The following CADPS2 variants were observed in gnomAD, a reference collection of about 807,000 sequenced individuals.
CADPS2 encodes the protein calcium dependent secretion activator 2.
A neutral mutation model predicts 172.5 loss-of-function variants in CADPS2; 93 were observed. That is an observed-to-expected ratio of 0.54 (90% CI 0.46 to 0.64). The LOEUF is 0.64. Ranked by LOEUF, CADPS2 falls within the 30% of genes least tolerant of loss-of-function variation. The probability of loss-of-function intolerance (pLI) is 0.00; values close to 1 mark genes in which losing one functional copy is unlikely to be tolerated. For synonymous variants in CADPS2, 546 were observed against 555.2 expected (o/e 0.98, Z 0.23); for missense variants, 1,420 against 1,565.9 (o/e 0.91, Z 1.57).
At chr7:122,355,965 A>T (rs1056579967) in intron 27 of CADPS2, among the ~76,000 whole-genome samples, 2 of 152,332 alleles carry the variant, frequency 1.3e-5, no homozygotes, top group South Asian at 4.1e-4. Context: ...ATTTACAGAA[A>T]CACTGTGGAA....
chr7:122,780,690 T>C (rs1046140341), intron 1 of CADPS2, among the ~76,000 whole-genome samples: 1 of 152,116 alleles, frequency 6.6e-6, no homozygotes, highest in Admixed American at 6.5e-5. Flanking sequence ...TTTTATTTTT[T>C]GAGAGAGAGA....
rs775773246 is a variant in CADPS2 at position 122,702,618 on chromosome 7, T to C, written c.453+34337A>G. 8.1e-6 allele frequency: 13 copies of C among 1,613,306 alleles called. No homozygotes were observed. The highest frequency in any genetic ancestry group is 7.7e-5 in the South Asian group (7 of 91,074). ...GTGATCTCATTTCCAACCTGAAATG[T>C]TATATTCAGGTGAGCTGTCCAAATG... On this transcript the variant is annotated intron_variant, in intron 2 of 29. Coordinates refer to ENST00000449022, the MANE Select transcript of CADPS2 (RefSeq NM_017954.11).
At position 122,442,840 on chromosome 7, in the gene CADPS2, T is replaced by G. The variant is rs532683985; in HGVS notation, c.2289-1265A>C. ...ATTGTATTTACTGCTAAAAATGTCC[T>G]TTCTTAATCTTGCTGCTACATACTC... On this transcript the variant is annotated intron_variant, in intron 15 of 29. Transcript: ENST00000449022. Among the ~76,000 whole-genome samples the G allele has an allele frequency of 3.7e-4, 56 of 152,294 alleles. 1 individual carries two copies. The highest frequency in any genetic ancestry group is 3.4e-3 in the Middle Eastern group (1 of 294).
chr7:122,818,110 C>T (rs902028083), intron 1 of CADPS2, among the ~76,000 whole-genome samples: 2 of 151,602 alleles, frequency 1.3e-5, no homozygotes, highest in African/African-American at 4.9e-5. Context: ...AGGTAAGAAC[C>T]CCCGAACCCC....
rs752804919 is a variant in CADPS2, at chr7:122,513,323, G to GA, written c.1476-9dup. 2 of 1,549,294 alleles carry GA rather than the reference G, an allele frequency of 1.3e-6. No individual in the cohort carries two copies. The highest frequency in any genetic ancestry group is 2.4e-5 in the South Asian group (2 of 83,824). The stretch of plus-strand genomic sequence containing the variant: ...CCAAGGGCATACAGATATCTGGAAA[G>GA]AAAAACAAAAGCCAAAGAATACTTC... On this transcript the variant is annotated splice_polypyrimidine_tract_variant and intron_variant, in intron 8 of 29. Coordinates refer to ENST00000449022, the MANE Select transcript of CADPS2 (RefSeq NM_017954.11).
At position 122,325,554 on chromosome 7, in the gene CADPS2, T is replaced by A; in HGVS notation, c.3640A>T (p.Ile1214Phe). The change falls in exon 29 of 30, where the codon ATT becomes TTT. Residue 1214 changes from isoleucine (I) to phenylalanine (F), a missense_variant. Physicochemically the swap from Ile to Phe is conservative, Grantham distance 21 (BLOSUM62 0). Transcript: ENST00000449022. ...DQWYSSSMKV[I>F]CVWLTDRLDL... ...AATCTATCAGTCAACCACACGCAAA[T>A]GACTTTCATGGAACTGCTGTACCAT... The A allele has an allele frequency of 6.2e-7, 1 of 1,610,992 alleles. No homozygotes were observed. The highest frequency in any genetic ancestry group is 8.5e-7 in the Non-Finnish European group (1 of 1,178,336).
chr7:122,506,850 G>T (rs572469601), intron 9 of CADPS2, among the ~76,000 whole-genome samples: 175 of 152,186 alleles, frequency 1.1e-3, no homozygotes, highest in Non-Finnish European at 2.1e-3. Context: ...TGTCCAAATG[G>T]TGTAAAAAGA....
At chr7:122,482,849 A>G (rs75809961) in intron 11 of CADPS2, among the ~76,000 whole-genome samples, 4,668 of 152,274 alleles carry the variant, frequency 0.031, 209 homozygotes, top group African/African-American at 0.11. Context: ...CTCAAGATCT[A>G]CAGAAGGCCT....
At chr7:122,878,283 G>T (rs150323511) in intron 1 of CADPS2, among the ~76,000 whole-genome samples, 2,276 of 148,024 alleles carry the variant, frequency 0.015, 76 homozygotes, top group African/African-American at 0.055. Context: ...AAAAAAGTGG[G>T]AAGGGAAAGA....
At chr7:122,693,169 C>G (rs562190358) in intron 2 of CADPS2, among the ~76,000 whole-genome samples, 2 of 152,284 alleles carry the variant, frequency 1.3e-5, no homozygotes, top group East Asian at 3.9e-4. Context: ...ACACTCAAAG[C>G]TCCTTTATAA....
intron 2 of CADPS2, chr7:122,697,901 CTTCA>C: frequency 4.3e-6 from 7 of 1,613,794 alleles, no homozygotes; most frequent in Non-Finnish European, 5.9e-6. Flanking sequence ...GCAGGAGAAA[CTTCA>C]TTATTTGTCT....
chr7:122,351,372 CAAAAAAAAAAAAAAA>C (rs398048049), intron 27 of CADPS2, among the ~76,000 whole-genome samples: 15 of 28,920 alleles, frequency 5.2e-4, no homozygotes, highest in Non-Finnish European at 6.6e-4. Context: ...GACTCCGTCT[CAAAAAAAAAAAAAAA>C]AAAAAAAAAA....
In CADPS2 at chr7:122,319,692, C is replaced by A. The variant is rs12706405; in HGVS notation, c.*473G>T. The A allele has an allele frequency of 0.21, 32,691 of 152,284 alleles. 3,886 individuals carry two copies. Among genetic ancestry groups the A allele is most frequent in the South Asian group, 0.26 (1,247 of 4,836 alleles). The allele number at this position is 152,284 out of a possible 1,614,324, so 9.4% of individuals were successfully genotyped here. A position where few individuals can be genotyped will look rare whatever the true frequency, so the allele number is the denominator to read the frequency against. ...CAAATTAAGTACAAAACGAACCTGG[C>A]ACATAAATTATAATTTGTAAGGTAC... On this transcript the variant is annotated 3_prime_UTR_variant, in exon 30 of 30. Transcript: ENST00000449022.
At chr7:122,325,803 C>T (rs564687310) in intron 28 of CADPS2, among the ~76,000 whole-genome samples, 1 of 152,174 alleles carries the variant, frequency 6.6e-6, no homozygotes, top group African/African-American at 2.4e-5. Flanking sequence ...AATGAATTAA[C>T]GTTACAGTCT....
rs533267264 is a variant in CADPS2 at position 122,754,294 on chromosome 7, C to T, written c.340-17226G>A. The stretch of plus-strand genomic sequence containing the variant: ...TTTTATCAGTTGGTATTTCTTTATC[C>T]ACTTCTGCTTTTGTTTTATTTGTTA... On this transcript the variant is annotated intron_variant, in intron 1 of 29. Coordinates refer to ENST00000449022, the MANE Select transcript of CADPS2 (RefSeq NM_017954.11). Among the ~76,000 whole-genome samples, 28 of 151,750 alleles carry T rather than the reference C, an allele frequency of 1.8e-4. No individual in the cohort carries two copies. In the South Asian group the frequency reaches 5.2e-3, roughly 28 times the overall value.
At chr7:122,591,037 T>C (rs2070714410) in intron 6 of CADPS2, among the ~76,000 whole-genome samples, 1 of 151,548 alleles carries the variant, frequency 6.6e-6, no homozygotes, top group Admixed American at 6.6e-5. Flanking sequence ...GTATCTGAAA[T>C]TCCAAATTGT....
intron 1 of CADPS2, among the ~76,000 whole-genome samples, chr7:122,856,786 T>TA: frequency 6.6e-6 from 1 of 152,218 alleles, no homozygotes; most frequent in Non-Finnish European, 1.5e-5. Flanking sequence ...ACATTTTGGT[T>TA]AAAAAATGAA....
chr7:122,586,250 C>A (rs1379337582), intron 6 of CADPS2, among the ~76,000 whole-genome samples: 1 of 151,780 alleles, frequency 6.6e-6, no homozygotes, highest in Non-Finnish European at 1.5e-5. Context: ...AGTCCCTATC[C>A]CCTTGGGATT....
intron 1 of CADPS2, chr7:122,850,237 C>G: frequency 9.7e-7 from 1 of 1,033,788 alleles, no homozygotes; most frequent in Non-Finnish European, 1.3e-6. Flanking sequence ...CCCAGAGGCC[C>G]CCTGACCCAG....
Sources: gnomAD v4.1 joint callset for allele counts (sites outside exome capture counted in the v4.1 genomes callset) on GRCh38, gnomAD v4.1.1 for gene constraint, MANE v1.5 for transcripts, NCBI Gene and HGNC (gene_info 2026-07-23, HGNC 2026-07-21) for gene names.